Variants in NHS observed in about 807,000 individuals in gnomAD.
NHS encodes actin remodeling regulator NHS.
NHS carries 5 observed loss-of-function variants against 72.5 expected under a neutral mutation model. That is an observed-to-expected ratio of 0.07 (90% CI 0.04 to 0.14). The LOEUF (loss-of-function observed/expected upper bound fraction) is 0.14, where lower values mean the gene tolerates loss of function less well. NHS is among the 10% of genes least tolerant of loss of function. The pLI is 1.00. For synonymous variants in NHS, 464 were observed against 547.7 expected, an observed-to-expected ratio of 0.85 and a Z score of 2.13; for missense variants, 1,072 against 1,355.7, an observed-to-expected ratio of 0.79 and a Z score of 3.29.
intron 1 of NHS, among the ~76,000 whole-genome samples, chrX:17,384,734 T>C (rs780747738): frequency 8.9e-6 from 1 of 112,369 alleles, no homozygotes; most frequent in East Asian, 2.8e-4. Flanking sequence ...CCCATGTTAG[T>C]CCCAGAGTCT....
chrX:17,601,304 G>A (rs1025693832), intron 1 of NHS, among the ~76,000 whole-genome samples: 18 of 112,058 alleles, frequency 1.6e-4, no homozygotes, highest in African/African-American at 5.8e-4. Context: ...ATTGTGTTTT[G>A]CGAAATCATG....
chrX:17,596,696 T>C (rs2065625468), intron 1 of NHS, among the ~76,000 whole-genome samples: 1 of 111,293 alleles, frequency 9.0e-6, no homozygotes, highest in Non-Finnish European at 1.9e-5. Flanking sequence ...TGGAATTTGG[T>C]ATATTAGTCA....
intron 1 of NHS, among the ~76,000 whole-genome samples, chrX:17,672,249 T>C (rs750171987): frequency 8.9e-6 from 1 of 112,093 alleles, no homozygotes; most frequent in South Asian, 3.8e-4. Context: ...GCTCTTCTCC[T>C]AGCTGGAATT....
chrX:17,721,720 C>T, intron 5 of NHS, 87 bp downstream of exon 5: 1 of 838,912 alleles, frequency 1.2e-6, no homozygotes, highest in Non-Finnish European at 1.7e-6. Context: ...CTAAGAATAC[C>T]ATTTTGTAAA....
At chrX:17,504,639 C>T (rs1322467949) in intron 1 of NHS, among the ~76,000 whole-genome samples, 1 of 111,687 alleles carries the variant, frequency 9.0e-6, no homozygotes, top group Non-Finnish European at 1.9e-5. Flanking sequence ...TTTCATAATT[C>T]CCAAAGACAA....
intron 1 of NHS, among the ~76,000 whole-genome samples, chrX:17,615,205 T>TATATATACGTATATATACAC (rs1491203765): frequency 7.9e-5 from 7 of 88,771 alleles, no homozygotes; most frequent in African/African-American, 3.7e-4. Flanking sequence ...CATATATACG[T>TATATATACGTATATATACAC]ATATATATAC....
chrX:17,725,799 T>C lies in NHS; in HGVS notation c.1693T>C (p.Cys565Arg), dbSNP rs1288563847. ...QDHQPTLGLA[C>R]SQHLHSPQHK... ...CCACCAGCCTACTTTGGGCCTGGCCTGCTCTCAACATCTTCACAGCCCCCA... is the reference window on the plus strand; with the variant it reads ...CCACCAGCCTACTTTGGGCCTGGCCCGCTCTCAACATCTTCACAGCCCCCA... Residue 565 changes from cysteine (C) to arginine (R), a missense_variant, in exon 7 of 9, where the codon TGC becomes CGC. Cys to Arg is a radical substitution (Grantham distance 180). Coordinates refer to ENST00000676302, the MANE Select transcript of NHS (RefSeq NM_001291867.2). The C allele has an allele frequency of 1.7e-6, 2 of 1,209,536 alleles. No individual in the cohort carries two copies. Among genetic ancestry groups the C allele is most frequent in the Non-Finnish European group, 2.2e-6 (2 of 895,149 alleles).
chrX:17,463,739 A>G (rs190994234), intron 1 of NHS, among the ~76,000 whole-genome samples: 35 of 112,211 alleles, frequency 3.1e-4, no homozygotes, highest in South Asian at 1.1e-3. Flanking sequence ...ATATGTATAC[A>G]TGGGAGCCTT....
intron 1 of NHS, among the ~76,000 whole-genome samples, chrX:17,670,227 C>T (rs1469473047): frequency 8.9e-6 from 1 of 112,295 alleles, no homozygotes; most frequent in Non-Finnish European, 1.9e-5. Flanking sequence ...GGATAAAAGG[C>T]AAATAAATGT....
chrX:17,700,511 C>A (rs891922664), intron 3 of NHS, among the ~76,000 whole-genome samples: 13 of 109,882 alleles, frequency 1.2e-4, no homozygotes, highest in Non-Finnish European at 2.5e-4. Context: ...ACCTATGAGA[C>A]TGGCAAAAAT....
intron 5 of NHS, among the ~76,000 whole-genome samples, chrX:17,723,727 G>GTGTC (rs2066419609): frequency 2.1e-4 from 1 of 4,683 alleles, no homozygotes; most frequent in African/African-American, 3.9e-4. Flanking sequence ...AGCAAAAGAG[G>GTGTC]TGTGTGTGTG....
chrX:17,592,617 G>C (rs1407371053), intron 1 of NHS, among the ~76,000 whole-genome samples: 3 of 112,278 alleles, frequency 2.7e-5, no homozygotes, highest in African/African-American at 9.7e-5. Flanking sequence ...GATAAGCCCT[G>C]AAATGTTCTC....
At chrX:17,661,270 A>T (rs774331181) in intron 1 of NHS, among the ~76,000 whole-genome samples, 8 of 111,688 alleles carry the variant, frequency 7.2e-5, no homozygotes, top group Non-Finnish European at 1.1e-4. Flanking sequence ...TCTTTTTATT[A>T]TACTTTTAAG....
In NHS at chrX:17,540,657, C is replaced by T. The variant is rs1383750207; in HGVS notation, c.566-147085C>T. 6.2e-5 allele frequency among the ~76,000 whole-genome samples: 7 copies of T among 112,109 alleles called. No homozygotes were observed. The East Asian group carries it at 2.0e-3, about 31-fold the overall frequency. ...ATCCTAGTTCTTGATAAACCGTCAA[C>T]CCTCTGAAGAACTTGGGAAAATTAA... On this transcript the variant is annotated intron_variant, in intron 1 of 8. Transcript: ENST00000676302.
intron 1 of NHS, among the ~76,000 whole-genome samples, chrX:17,447,785 G>GCACGCACACACACACGCACA (rs1555990366): frequency 2.2e-5 from 2 of 89,646 alleles, no homozygotes; most frequent in African/African-American, 8.0e-5. Flanking sequence ...ACACACACAC[G>GCACGCACACACACACGCACA]CACACACACA....
intron 1 of NHS, among the ~76,000 whole-genome samples, chrX:17,435,701 G>T (rs1212854746): frequency 8.9e-6 from 1 of 112,974 alleles, no homozygotes; most frequent in Non-Finnish European, 1.9e-5. Flanking sequence ...GCAAGTTGCA[G>T]CATCAGAATT....
chrX:17,478,496 G>A (rs1308176316), intron 1 of NHS, among the ~76,000 whole-genome samples: 4 of 111,820 alleles, frequency 3.6e-5, no homozygotes, highest in Non-Finnish European at 7.5e-5. Flanking sequence ...TAGAGTTCTC[G>A]TTCTATGCTC....
intron 1 of NHS, among the ~76,000 whole-genome samples, chrX:17,597,407 G>A (rs2065629845): frequency 9.3e-6 from 1 of 107,446 alleles, no homozygotes; most frequent in Non-Finnish European, 1.9e-5. Context: ...TTACAAGCGT[G>A]AGCCACCGCG....
rs1569294309 is a variant in NHS at position 17,615,261 on chromosome X, C to CACATATATATAT, written c.566-72480_566-72479insCATATATATATA. ...ACGTATATATATACACATATATACA[C>CACATATATATAT]ATATATATATATATATGGTCTCACT... On this transcript the variant is annotated intron_variant, in intron 1 of 8. Transcript: ENST00000676302. Among the ~76,000 whole-genome samples the CACATATATATAT allele has an allele frequency of 7.1e-4, 64 of 89,809 alleles. 2 individuals are homozygous for CACATATATATAT. The highest frequency in any genetic ancestry group is 3.1e-3 in the African/African-American group (61 of 19,534). The allele number at this position is 89,809 out of a possible 115,157, so 78.0% of individuals were successfully genotyped here.
Sources: allele counts gnomAD v4.1 joint callset (sites outside exome capture counted in the v4.1 genomes callset), GRCh38; gene constraint gnomAD v4.1.1; transcripts MANE v1.5; gene names NCBI Gene and HGNC (gene_info 2026-07-23, HGNC 2026-07-21).